Variants in RCOR3 observed in about 807,000 individuals in gnomAD.
RCOR3 encodes the protein REST corepressor 3.
Under a neutral mutation model 64.1 loss-of-function variants are expected in RCOR3, and 13 were observed. The observed-to-expected ratio is 0.20, with a 90% CI of 0.13 to 0.32. The LOEUF is 0.32. Among genes scored for constraint, RCOR3 ranks in the 10% least tolerant of loss-of-function variants. RCOR3 has a pLI of 1.00. For missense variants in RCOR3, 489 were observed against 701.2 expected (o/e 0.70, Z 3.42); for synonymous variants, 215 against 239.0 (o/e 0.90, Z 0.93).
intron 9 of RCOR3, 129 bp from the exon 10 acceptor site, chr1:211,303,954 A>G (rs1403905851): frequency 1.8e-5 from 9 of 495,768 alleles, no homozygotes; most frequent in Non-Finnish European, 2.9e-5. Flanking sequence ...CTTTCTAAAA[A>G]TGGAATCTTC....
At chr1:211,279,810 C>T (rs999469850) in intron 7 of RCOR3, among the ~76,000 whole-genome samples, 5 of 152,190 alleles carry the variant, frequency 3.3e-5, no homozygotes, top group Non-Finnish European at 5.9e-5. Flanking sequence ...CTCCTTCTTT[C>T]CCATTTCCCC....
intron 2 of RCOR3, among the ~76,000 whole-genome samples, chr1:211,269,386 A>G (rs1695775932): frequency 6.6e-6 from 1 of 152,106 alleles, no homozygotes; most frequent in South Asian, 2.1e-4. Flanking sequence ...TCACGAGGTC[A>G]GGAGTTCAAG....
chr1:211,266,565 T>C (rs1256309897), intron 2 of RCOR3, among the ~76,000 whole-genome samples: 1 of 152,350 alleles, frequency 6.6e-6, no homozygotes, highest in African/African-American at 2.4e-5. Context: ...TAGCTTGCTA[T>C]CTAGGTTTTG....
intron 10 of RCOR3, among the ~76,000 whole-genome samples, chr1:211,309,174 T>C (rs1366961236): frequency 2.0e-5 from 3 of 150,672 alleles, no homozygotes; most frequent in Admixed American, 2.0e-4. Flanking sequence ...ACAATCTTAC[T>C]AGCCAAAGAT....
intron 8 of RCOR3, among the ~76,000 whole-genome samples, chr1:211,294,193 T>C (rs1699583250): frequency 6.6e-6 from 1 of 152,240 alleles, no homozygotes; most frequent in Non-Finnish European, 1.5e-5. Flanking sequence ...CCAGCTGAAC[T>C]GAGCGCACAC....
chr1:211,283,258 T>G (rs1279417674), intron 7 of RCOR3, among the ~76,000 whole-genome samples: 2 of 152,208 alleles, frequency 1.3e-5, no homozygotes, highest in Non-Finnish European at 2.9e-5. Context: ...GGCATTTCAG[T>G]TGTCGAGTGG....
intron 7 of RCOR3, among the ~76,000 whole-genome samples, chr1:211,282,598 A>G (rs1697970772): frequency 1.3e-5 from 2 of 151,622 alleles, no homozygotes; most frequent in Admixed American, 6.6e-5. Context: ...ACCTGGGCTC[A>G]AGCAATTCTC....
At chr1:211,272,848 C>T (rs1387507339) in intron 3 of RCOR3, among the ~76,000 whole-genome samples, 1 of 151,520 alleles carries the variant, frequency 6.6e-6, no homozygotes, top group Non-Finnish European at 1.5e-5. Flanking sequence ...GTCTCGATCT[C>T]CTGACCTCGT....
At chr1:211,284,980 A>G (rs1272931686) in intron 7 of RCOR3, among the ~76,000 whole-genome samples, 1 of 152,222 alleles carries the variant, frequency 6.6e-6, no homozygotes, top group African/African-American at 2.4e-5. Flanking sequence ...ATTACTTATA[A>G]TAAGCCTCAT....
intron 7 of RCOR3, among the ~76,000 whole-genome samples, chr1:211,285,236 G>C (rs1335484492): frequency 6.6e-6 from 1 of 152,162 alleles, no homozygotes; most frequent in African/African-American, 2.4e-5. Flanking sequence ...ATATGATAGG[G>C]AACATTTTTC....
chr1:211,284,329 C>G (rs1020854164), intron 7 of RCOR3, among the ~76,000 whole-genome samples: 2 of 152,080 alleles, frequency 1.3e-5, no homozygotes, highest in African/African-American at 4.8e-5. Context: ...ATGCATCCGC[C>G]TCAGCCTCCC....
At chr1:211,269,638 T>C (rs4406705) in intron 2 of RCOR3, among the ~76,000 whole-genome samples, 76,171 of 152,030 alleles carry the variant, frequency 0.5, 21,424 homozygotes, top group East Asian at 0.62. Context: ...GTTGGTAGTT[T>C]TAATGAATTA....
intron 8 of RCOR3, among the ~76,000 whole-genome samples, chr1:211,293,403 A>T (rs1379140134): frequency 6.6e-6 from 1 of 152,152 alleles, no homozygotes; most frequent in Admixed American, 6.5e-5. Flanking sequence ...GCCCCAGTCT[A>T]ACTTCTTGCC....
chr1:211,279,233 C>A lies in RCOR3; in HGVS notation c.642-5C>A. The A allele has an allele frequency of 6.3e-7, 1 of 1,575,798 alleles. No individual in the cohort carries two copies. The highest frequency in any genetic ancestry group is 8.6e-7 in the Non-Finnish European group (1 of 1,159,576). ...TTAAGTGTACTAATTTTTGTTTCTT[C>A]TCAGTGATGATGATGTAGAAGAAAC... On this transcript the variant is annotated splice_region_variant and splice_polypyrimidine_tract_variant and intron_variant, in intron 6 of 11. Coordinates refer to ENST00000419091, the MANE Select transcript of RCOR3 (RefSeq NM_001136223.3).
At chr1:211,311,063 TGTAAAA>T (rs1701439304) in intron 10 of RCOR3, among the ~76,000 whole-genome samples, 1 of 152,156 alleles carries the variant, frequency 6.6e-6, no homozygotes, top group Admixed American at 6.5e-5. Context: ...TTTTCTAAAA[TGTAAAA>T]GTAGTAGAGA....
Position 211,259,473 on chromosome 1 carries a change from T to TCC in RCOR3, c.-88_-87insCC, listed in dbSNP as rs74409134. On this transcript the variant is annotated 5_prime_UTR_variant, in exon 1 of 12. Transcript: ENST00000419091. ...CGCCGCCGTCTCCTCCTCCTCCTCCTTTCCCTCCCGCCCGCGCTCTAAGCC... is the reference window on the plus strand; with the variant it reads ...CGCCGCCGTCTCCTCCTCCTCCTCCTCCTTCCCTCCCGCCCGCGCTCTAAGCC... 1.0e-5 allele frequency: 14 copies of TCC among 1,382,718 alleles called. No homozygotes were observed. The highest frequency in any genetic ancestry group is 1.4e-5 in the Non-Finnish European group (14 of 1,022,138). 85.7% of individuals were successfully genotyped at this position (1,382,718 alleles called of 1,614,324 possible).
Position 211,276,335 on chromosome 1 carries a change from G to T in RCOR3, c.433G>T (p.Asp145Tyr). ...ADLPNFTPFP[D>Y]EWTVEDKVLF... Reference sequence around the variant, plus strand: ...TCTCCCTAATTTCACTCCCTTTCCGGATGAGTGGACAGTGGAAGATAAAGT... The same window carrying T: ...TCTCCCTAATTTCACTCCCTTTCCGTATGAGTGGACAGTGGAAGATAAAGT... The change falls in exon 5 of 12, where the codon GAT becomes TAT. Residue 145 changes from aspartate to tyrosine, a missense_variant. Coordinates refer to ENST00000419091, the MANE Select transcript of RCOR3 (RefSeq NM_001136223.3). 1 of 1,613,974 alleles carries T rather than the reference G, an allele frequency of 6.2e-7. No homozygotes were observed. The highest frequency in any genetic ancestry group is 8.5e-7 in the Non-Finnish European group (1 of 1,179,904).
chr1:211,273,203 A>T (rs1037191437), intron 3 of RCOR3, among the ~76,000 whole-genome samples: 17 of 152,204 alleles, frequency 1.1e-4, no homozygotes, highest in Admixed American at 5.2e-4. Context: ...GCAAATACTT[A>T]AAAAATTCTT....
rs142517433 is a variant in RCOR3 at position 211,288,598 on chromosome 1, A to G, written c.721-580A>G. 5.7e-3 allele frequency among the ~76,000 whole-genome samples: 834 copies of G among 147,112 alleles called. 4 individuals carry two copies. The highest frequency in any genetic ancestry group is 0.011 in the Middle Eastern group (3 of 278). The stretch of plus-strand genomic sequence containing the variant: ...TATATTTATTTTATTTATTATATTT[A>G]TTATTTATTTTATTTAATCATAGAT... On this transcript the variant is annotated intron_variant, in intron 7 of 11. Transcript: ENST00000419091.
Sources: gnomAD v4.1 joint callset for allele counts (sites outside exome capture counted in the v4.1 genomes callset) on GRCh38, gnomAD v4.1.1 for gene constraint, MANE v1.5 for transcripts, NCBI Gene and HGNC (gene_info 2026-07-23, HGNC 2026-07-21) for gene names.